Variants in C10orf90 observed in about 807,000 individuals in gnomAD.
C10orf90 encodes chromosome 10 open reading frame 90.
Under a neutral mutation model 62.5 loss-of-function variants are expected in C10orf90, and 56 were observed. The observed-to-expected ratio is 0.90, with a 90% CI of 0.72 to 1.12. The LOEUF (loss-of-function observed/expected upper bound fraction) is 1.12, where lower values mean the gene tolerates loss of function less well. C10orf90 is among the 50% of genes most tolerant of loss of function. C10orf90 has a pLI of 0.00. For missense variants in C10orf90, 970 were observed against 880.4 expected, an observed-to-expected ratio of 1.10 and a Z score of -1.29; for synonymous variants, 386 against 340.4, an observed-to-expected ratio of 1.13 and a Z score of -1.47.
rs1845093835 is a variant in C10orf90 at position 126,596,706 on chromosome 10, G to C, written c.313+49859C>G. Among the ~76,000 whole-genome samples the C allele has an allele frequency of 2.6e-5, 4 of 152,298 alleles. No individual in the cohort carries two copies. The South Asian group carries it at 8.3e-4, about 32-fold the overall frequency. ...TATCTCATGTAATTTATTGAATACT[G>C]TAGTAAAATTGAGAAACAGAATGGT... On this transcript the variant is annotated intron_variant, in intron 2 of 9. Transcript: ENST00000488181.
chr10:126,669,463 C>G (rs1023871284), intron 1 of C10orf90, among the ~76,000 whole-genome samples: 1 of 152,196 alleles, frequency 6.6e-6, no homozygotes, highest in African/African-American at 2.4e-5. Context: ...AAGGCATTAG[C>G]AATTTGCATG....
chr10:126,557,109 CT>C (rs2133983492), intron 2 of C10orf90, among the ~76,000 whole-genome samples: 1 of 150,804 alleles, frequency 6.6e-6, no homozygotes, highest in African/African-American at 2.4e-5. Context: ...TCTCTGATGA[CT>C]TTTTTAAAGT....
At chr10:126,492,179 T>C (rs1861802351) in intron 4 of C10orf90, among the ~76,000 whole-genome samples, 1 of 152,216 alleles carries the variant, frequency 6.6e-6, no homozygotes, top group Admixed American at 6.5e-5. Flanking sequence ...ATTGTTCTCA[T>C]TTGGGACCAA....
At chr10:126,581,846 C>T (rs936966999) in intron 2 of C10orf90, among the ~76,000 whole-genome samples, 1 of 152,226 alleles carries the variant, frequency 6.6e-6, no homozygotes, top group Non-Finnish European at 1.5e-5. Flanking sequence ...AGACAGGCGC[C>T]TGTGGACTGA....
chr10:126,621,221 A>G (rs1845638136), intron 2 of C10orf90, among the ~76,000 whole-genome samples: 1 of 152,222 alleles, frequency 6.6e-6, no homozygotes. Flanking sequence ...ATTCAGTTTC[A>G]ACATATAAAC....
At chr10:126,591,094 T>C (rs1380520310) in intron 2 of C10orf90, among the ~76,000 whole-genome samples, 1 of 152,086 alleles carries the variant, frequency 6.6e-6, no homozygotes, top group East Asian at 1.9e-4. Flanking sequence ...CAGATGGATT[T>C]ACCACTGAAT....
chr10:126,444,182 C>G (rs1429805964), intron 7 of C10orf90, among the ~76,000 whole-genome samples: 3 of 152,074 alleles, frequency 2.0e-5, no homozygotes, highest in Admixed American at 1.3e-4. Context: ...AGCAATCAGA[C>G]AAGAGAAAGA....
At chr10:126,440,143 C>G (rs190390895) in intron 7 of C10orf90, among the ~76,000 whole-genome samples, 80 of 152,270 alleles carry the variant, frequency 5.3e-4, no homozygotes, top group African/African-American at 1.8e-3. Flanking sequence ...AGCTGGGCGG[C>G]AGGTAGCTTG....
intron 7 of C10orf90, among the ~76,000 whole-genome samples, chr10:126,441,225 T>C (rs1345065077): frequency 6.6e-6 from 1 of 151,988 alleles, no homozygotes; most frequent in Non-Finnish European, 1.5e-5. Flanking sequence ...GACACACTTA[T>C]AGAAATGCAA....
chr10:126,435,282 A>T (rs971654264), intron 7 of C10orf90, among the ~76,000 whole-genome samples: 5 of 152,242 alleles, frequency 3.3e-5, no homozygotes. Context: ...TAAATAAAAA[A>T]TAAGCCAGAG....
intron 4 of C10orf90, among the ~76,000 whole-genome samples, chr10:126,498,939 C>A (rs979184308): frequency 1.3e-5 from 2 of 152,202 alleles, no homozygotes; most frequent in Non-Finnish European, 2.9e-5. Context: ...AATGCCCTAC[C>A]CATTCATCTC....
At chr10:126,650,312 A>T (rs1240486356) in intron 1 of C10orf90, among the ~76,000 whole-genome samples, 1 of 152,218 alleles carries the variant, frequency 6.6e-6, no homozygotes, top group African/African-American at 2.4e-5. Flanking sequence ...ACGGTAGTTT[A>T]CCAAAGCCAC....
intron 2 of C10orf90, among the ~76,000 whole-genome samples, chr10:126,572,042 G>GC (rs1462914857): frequency 5.9e-5 from 9 of 152,184 alleles, no homozygotes; most frequent in African/African-American, 2.2e-4. Context: ...TTGAACCACA[G>GC]CAAGTCCATC....
Position 126,637,636 on chromosome 10 carries a change from G to C in C10orf90, c.313+8929C>G, listed in dbSNP as rs190482053. 2.2e-4 allele frequency among the ~76,000 whole-genome samples: 34 copies of C among 152,374 alleles called. 1 individual carries two copies. The highest frequency in any genetic ancestry group is 8.2e-4 in the African/African-American group (34 of 41,586). On this transcript the variant is annotated intron_variant, in intron 2 of 9. Transcript: ENST00000488181. The stretch of plus-strand genomic sequence containing the variant: ...CATGCAGGTAAGGGGCTACAGGTCA[G>C]GTCGGTGAGGGTCATGGCCACTTGG...
intron 3 of C10orf90, among the ~76,000 whole-genome samples, chr10:126,506,244 T>A (rs755082137): frequency 2.6e-5 from 4 of 152,222 alleles, no homozygotes; most frequent in Non-Finnish European, 4.4e-5. Flanking sequence ...TAACAAAGCA[T>A]CTAACCAGGT....
chr10:126,589,709 C>T (rs1057131618), intron 2 of C10orf90, among the ~76,000 whole-genome samples: 1 of 152,262 alleles, frequency 6.6e-6, no homozygotes, highest in Admixed American at 6.5e-5. Context: ...GAAGGAAGCA[C>T]TAAATATGGA....
At chr10:126,655,116 C>G (rs1397600947) in intron 1 of C10orf90, among the ~76,000 whole-genome samples, 1 of 151,988 alleles carries the variant, frequency 6.6e-6, no homozygotes, top group Non-Finnish European at 1.5e-5. Flanking sequence ...GTCAGGAGAT[C>G]GAGACCATCC....
chr10:126,617,304 T>C (rs1845560255), intron 2 of C10orf90, among the ~76,000 whole-genome samples: 2 of 152,096 alleles, frequency 1.3e-5, no homozygotes, highest in African/African-American at 4.8e-5. Flanking sequence ...TCCAGTTTTC[T>C]CCCCAGGAGG....
Position 126,438,603 on chromosome 10 carries a change from G to A in C10orf90, c.2189-8753C>T, listed in dbSNP as rs78943275. On this transcript the variant is annotated intron_variant, in intron 7 of 9. Transcript: ENST00000488181. ...TGGTTCTCCTCTGGAATGCATTGTCGTTAGTATTTGGCTAGAGGAAACCAA... is the reference window on the plus strand; with the variant it reads ...TGGTTCTCCTCTGGAATGCATTGTCATTAGTATTTGGCTAGAGGAAACCAA... Among the ~76,000 whole-genome samples, 1,121 of 152,182 alleles carry A rather than the reference G, an allele frequency of 7.4e-3. 11 individuals carry two copies. Among genetic ancestry groups the A allele is most frequent in the African/African-American group, 0.025 (1,047 of 41,512 alleles).
Sources: allele counts gnomAD v4.1 joint callset (sites outside exome capture counted in the v4.1 genomes callset), GRCh38; gene constraint gnomAD v4.1.1; transcripts MANE v1.5; gene names NCBI Gene and HGNC (gene_info 2026-07-23, HGNC 2026-07-21).